Variants in SLC25A30 observed in about 807,000 individuals in gnomAD.
SLC25A30 encodes the protein solute carrier family 25 member 30, also known as kidney mitochondrial carrier protein 1.
SLC25A30 carries 29 observed loss-of-function variants against 42.7 expected under a neutral mutation model. That is an observed-to-expected ratio of 0.68 (90% confidence interval 0.51 to 0.93). The LOEUF is 0.93. Ranked by LOEUF, SLC25A30 falls within the 40% of genes least tolerant of loss-of-function variation. The pLI, the probability that SLC25A30 is intolerant of heterozygous loss-of-function variation, is 0.00. For missense variants in SLC25A30, 300 were observed against 359.7 expected (o/e 0.83, Z 1.34); for synonymous variants, 124 against 131.0 (o/e 0.95, Z 0.37).
In SLC25A30 at chr13:45,394,001, G is replaced by C. The variant is rs748599255; in HGVS notation, c.*1973C>G. 4 of 984,806 alleles carry C rather than the reference G, an allele frequency of 4.1e-6. No individual in the cohort carries two copies. In the African/African-American group the frequency reaches 7.0e-5, roughly 17 times the overall value. 61.0% of individuals were successfully genotyped at this position (984,806 alleles called of 1,614,324 possible). Reference sequence around the variant, plus strand: ...GTAAAATTTTTCTACATTAAAAAAAGAGCATTTCAAGAAAAGCAATCTTTA... The same window carrying C: ...GTAAAATTTTTCTACATTAAAAAAACAGCATTTCAAGAAAAGCAATCTTTA... On this transcript the variant is annotated 3_prime_UTR_variant, in exon 10 of 10. Transcript: ENST00000519676.
intron 5 of SLC25A30, 88 bp downstream of exon 5, chr13:45,404,239 T>C (rs1882281376): frequency 1.1e-6 from 1 of 902,590 alleles, no homozygotes; most frequent in Non-Finnish European, 1.8e-6. Context: ...TATACACAGA[T>C]GTTACATTCA....
chr13:45,423,920 T>A, the SLC25A30 span, among the ~76,000 whole-genome samples: 1 of 81,980 alleles, frequency 1.2e-5, no homozygotes, highest in African/African-American at 4.7e-5. Context: ...TATAAAAATA[T>A]ATATAAACAT....
At chr13:45,428,691 G>T in the SLC25A30 span, among the ~76,000 whole-genome samples, 142,911 of 151,398 alleles carry the variant, frequency 0.94, 67,716 homozygotes, top group African/African-American at 0.99. Context: ...CCTGACTAAT[G>T]TTTGTATTTT....
At chr13:45,428,633 C>T in the SLC25A30 span, among the ~76,000 whole-genome samples, 3 of 149,296 alleles carry the variant, frequency 2.0e-5, no homozygotes, top group South Asian at 4.2e-4. Flanking sequence ...AGCGATTCTC[C>T]TGCCTCAGCC....
At chr13:45,403,494 T>A (rs8002502) in intron 5 of SLC25A30, among the ~76,000 whole-genome samples, 1 of 152,044 alleles carries the variant, frequency 6.6e-6, no homozygotes, top group Non-Finnish European at 1.5e-5. Context: ...AAGTCATTCC[T>A]AATTTTTATT....
Position 45,405,967 on chromosome 13 carries a change from C to CG in SLC25A30, c.222dup (p.Ala75ArgfsTer25), listed in dbSNP as rs1485800918. ...CCATAGGATGCCTGGCGTAACATCG[C>CG]GGGGGCAATCCTGTTAAACCAATGT... On this transcript the variant is annotated frameshift_variant, in exon 4 of 10. Transcript: ENST00000519676. LOFTEE classifies it high-confidence loss of function. The CG allele has an allele frequency of 6.2e-7, 1 of 1,614,010 alleles. No homozygotes were observed. Among genetic ancestry groups the CG allele is most frequent in the East Asian group, 2.2e-5 (1 of 44,902 alleles).
At chr13:45,401,977 T>C (rs1383322768) in intron 6 of SLC25A30, among the ~76,000 whole-genome samples, 2 of 149,880 alleles carry the variant, frequency 1.3e-5, no homozygotes, top group Non-Finnish European at 2.9e-5. Context: ...GGAGAATCAC[T>C]TGAACTCAGG....
chr13:45,414,629 C>CACAT (rs1555288071), intron 1 of SLC25A30, among the ~76,000 whole-genome samples: 3 of 127,590 alleles, frequency 2.4e-5, no homozygotes, highest in African/African-American at 3.4e-5. Flanking sequence ...AACACACACA[C>CACAT]ACACATACAC....
Position 45,405,989 on chromosome 13 carries a change from A to G in SLC25A30, c.213-12T>C, listed in dbSNP as rs766670131. ...TCGCGGGGGCAATCCTGTTAAACCA[A>G]TGTACAAAGGGACAAAAGCAATCTA... On this transcript the variant is annotated splice_polypyrimidine_tract_variant and intron_variant, in intron 3 of 9. Transcript: ENST00000519676. 1.9e-6 allele frequency: 3 copies of G among 1,613,648 alleles called. No homozygotes were observed. The highest frequency in any genetic ancestry group is 1.3e-5 in the African/African-American group (1 of 74,928).
chr13:45,400,932 TAAC>T, intron 7 of SLC25A30, 148 bp downstream of exon 7: 1 of 589,916 alleles, frequency 1.7e-6, no homozygotes, highest in Non-Finnish European at 2.8e-6. Context: ...ATCAAACTGT[TAAC>T]AACAGCTGCC....
At chr13:45,424,110 T>G in the SLC25A30 span, among the ~76,000 whole-genome samples, 1 of 102,672 alleles carries the variant, frequency 9.7e-6, no homozygotes, top group Non-Finnish European at 1.7e-5. Context: ...TATAAAAATA[T>G]ATATAAATAT....
chr13:45,411,563 T>C (rs971554621), intron 1 of SLC25A30, 83 bp from the exon 2 acceptor site: 1 of 889,772 alleles, frequency 1.1e-6, no homozygotes, highest in Non-Finnish European at 1.8e-6. Context: ...TAGGTTTTAT[T>C]TGGAGAGTGC....
chr13:45,411,396 C>CCCA lies in SLC25A30; in HGVS notation c.29_30insTGG (p.Val10_Tyr11insGly). 1 of 1,614,194 alleles carries CCCA rather than the reference C, an allele frequency of 6.2e-7. No individual in the cohort carries two copies. The highest frequency in any genetic ancestry group is 1.1e-5 in the South Asian group (1 of 91,086). ...CAGTGATGGAGGCCAGCCCCCCGTACACAAACGGCTTCCAGTTGAGGGCTG... is the reference window on the plus strand; with the variant it reads ...CAGTGATGGAGGCCAGCCCCCCGTACCCAACAAACGGCTTCCAGTTGAGGGCTG... On this transcript the variant is annotated inframe_insertion, in exon 2 of 10. Coordinates refer to ENST00000519676, the MANE Select transcript of SLC25A30 (RefSeq NM_001010875.4).
the SLC25A30 span, among the ~76,000 whole-genome samples, chr13:45,432,415 G>A: frequency 6.6e-6 from 1 of 152,020 alleles, no homozygotes; most frequent in African/African-American, 2.4e-5. Context: ...TTTACAGAGT[G>A]CCCTGTGCAT....
At chr13:45,417,424 T>C (rs761208531) in intron 1 of SLC25A30, among the ~76,000 whole-genome samples, 3 of 152,230 alleles carry the variant, frequency 2.0e-5, no homozygotes, top group South Asian at 4.1e-4. Context: ...CATACATTTA[T>C]TGTTCCTTGC....
intron 5 of SLC25A30, among the ~76,000 whole-genome samples, chr13:45,403,362 G>A (rs1593608862): frequency 6.6e-6 from 1 of 152,074 alleles, no homozygotes; most frequent in South Asian, 2.1e-4. Flanking sequence ...CTCATATTTG[G>A]ATTCTAACCA....
Position 45,401,079 on chromosome 13 carries a change from A to G in SLC25A30, c.614+4T>C, listed in dbSNP as rs377425617. The G allele has an allele frequency of 1.7e-4, 268 of 1,596,308 alleles. 1 individual carries two copies. Among genetic ancestry groups the G allele is most frequent in the Middle Eastern group, 8.3e-4 (5 of 6,010 alleles). ...TAATTTTTTAAAAAAAGCCATGAAC[A>G]TACAGGAAGTGGGTATACACAGTGT... On this transcript the variant is annotated splice_donor_region_variant and intron_variant, in intron 7 of 9. Transcript: ENST00000519676.
At chr13:45,425,951 C>T in the SLC25A30 span, among the ~76,000 whole-genome samples, 1 of 147,500 alleles carries the variant, frequency 6.8e-6, no homozygotes, top group African/African-American at 2.5e-5. Context: ...CCTCAGCCTC[C>T]CAAAGTGCTG....
rs148845921 is a variant in SLC25A30 at position 45,412,268 on chromosome 13, C to T, written c.-55-788G>A. ...CCAACTACCTGGGACCACAGGCACA[C>T]ACCACCATGCCAGCCTAATTGTTTT... On this transcript the variant is annotated intron_variant, in intron 1 of 9. Transcript: ENST00000519676. 8.5e-5 allele frequency among the ~76,000 whole-genome samples: 13 copies of T among 152,168 alleles called. No individual in the cohort carries two copies. In the East Asian group the frequency reaches 2.5e-3, roughly 29 times the overall value.
Sources: gnomAD v4.1 joint callset for allele counts (sites outside exome capture counted in the v4.1 genomes callset) on GRCh38, gnomAD v4.1.1 for gene constraint, MANE v1.5 for transcripts, NCBI Gene and HGNC (gene_info 2026-07-23, HGNC 2026-07-21) for gene names.